The following MKLN1 variants were observed in gnomAD, a reference collection of about 807,000 sequenced individuals.
The protein encoded by MKLN1 is muskelin 1.
A neutral mutation model predicts 99.0 loss-of-function variants in MKLN1; 18 were observed. The observed-to-expected ratio is 0.18, with a 90% CI of 0.13 to 0.27. MKLN1 has a LOEUF of 0.27. Among genes scored for constraint, MKLN1 ranks in the 10% least tolerant of loss-of-function variants. The probability of loss-of-function intolerance (pLI) is 1.00; values close to 1 mark genes in which losing one functional copy is unlikely to be tolerated. For synonymous variants in MKLN1, 288 were observed against 293.2 expected (o/e 0.98, Z 0.18); for missense variants, 621 against 875.9 (o/e 0.71, Z 3.67).
At chr7:131,469,364 TAGAA>T (rs752539531) in intron 15 of MKLN1, among the ~76,000 whole-genome samples, 40 of 152,202 alleles carry the variant, frequency 2.6e-4, no homozygotes. Context: ...AGAATCTTCT[TAGAA>T]AGCATTTCCT....
intron 10 of MKLN1, among the ~76,000 whole-genome samples, chr7:131,442,031 G>A (rs1795854909): frequency 6.6e-6 from 1 of 152,154 alleles, no homozygotes; most frequent in South Asian, 2.1e-4. Context: ...GATTTTAACT[G>A]TATGATCATT....
At chr7:131,193,319 C>T (rs990601089) in intron 2 of MKLN1, among the ~76,000 whole-genome samples, 1 of 152,048 alleles carries the variant, frequency 6.6e-6, no homozygotes, top group Admixed American at 6.6e-5. Context: ...TATAGTCAAC[C>T]CAATGGAATT....
At chr7:131,251,670 CTTT>C (rs71311093) in intron 3 of MKLN1, among the ~76,000 whole-genome samples, 2 of 143,782 alleles carry the variant, frequency 1.4e-5, no homozygotes, top group African/African-American at 2.6e-5. Context: ...GCAACATTTT[CTTT>C]TTTTTTTTTT....
intron 1 of MKLN1, among the ~76,000 whole-genome samples, chr7:131,114,489 A>T (rs1029324536): frequency 1.3e-5 from 2 of 152,206 alleles, no homozygotes; most frequent in African/African-American, 2.4e-5. Context: ...AAAGAAGAGG[A>T]TCTACTTTGG....
At position 131,491,081 on chromosome 7, in the gene MKLN1, G is replaced by T. The variant is rs1287423969; in HGVS notation, c.*3353G>T. On this transcript the variant is annotated 3_prime_UTR_variant, in exon 18 of 18. Coordinates refer to ENST00000352689, the MANE Select transcript of MKLN1 (RefSeq NM_013255.5). ...ACTACATGGAATTCACTGGGTAATT[G>T]TGGGTCATTTATTTCCTGAAAGTCA... is the stretch of plus-strand genomic sequence containing the variant. 1 of 152,232 alleles carries T rather than the reference G, an allele frequency of 6.6e-6. No homozygotes were observed. Among genetic ancestry groups the T allele is most frequent in the East Asian group, 1.9e-4 (1 of 5,190 alleles). 9.4% of individuals were successfully genotyped at this position (152,232 alleles called of 1,614,324 possible).
At chr7:131,111,955 C>G (rs1422893248) in intron 1 of MKLN1, among the ~76,000 whole-genome samples, 1 of 152,204 alleles carries the variant, frequency 6.6e-6, no homozygotes, top group Admixed American at 6.5e-5. Flanking sequence ...AACCCCATCA[C>G]TTTGTGTACT....
intron 16 of MKLN1, among the ~76,000 whole-genome samples, chr7:131,473,616 G>C (rs986289562): frequency 6.6e-6 from 1 of 152,150 alleles, no homozygotes; most frequent in African/African-American, 2.4e-5. Context: ...GAGAAGGAAT[G>C]AGAATAAGTT....
At chr7:131,278,032 C>CTTTAT (rs1043808147) in intron 3 of MKLN1, among the ~76,000 whole-genome samples, 1 of 151,776 alleles carries the variant, frequency 6.6e-6, no homozygotes, top group African/African-American at 2.4e-5. Flanking sequence ...CCTTTTCCTC[C>CTTTAT]TTTATTTTAT....
chr7:131,226,713 G>C (rs1212502187), intron 3 of MKLN1, among the ~76,000 whole-genome samples: 7 of 152,132 alleles, frequency 4.6e-5, no homozygotes, highest in African/African-American at 1.7e-4. Flanking sequence ...ACTATTCCTG[G>C]CCAGTACAGA....
intron 3 of MKLN1, among the ~76,000 whole-genome samples, chr7:131,212,330 A>G (rs765759293): frequency 2.0e-5 from 3 of 152,170 alleles, no homozygotes; most frequent in Non-Finnish European, 2.9e-5. Context: ...TAGCCTACCA[A>G]TCACTCACAC....
At chr7:131,318,152 T>C (rs147205470) in intron 3 of MKLN1, among the ~76,000 whole-genome samples, 102 of 152,318 alleles carry the variant, frequency 6.7e-4, no homozygotes, top group Middle Eastern at 6.8e-3. Context: ...ATCAACAGAA[T>C]ATACATTCTT....
chr7:131,207,456 C>T (rs1796830995), intron 3 of MKLN1, among the ~76,000 whole-genome samples: 1 of 152,156 alleles, frequency 6.6e-6, no homozygotes, highest in Non-Finnish European at 1.5e-5. Context: ...CCTCGGCCTC[C>T]CAAAGTGTTG....
At chr7:131,453,345 T>C (rs118151437) in intron 12 of MKLN1, among the ~76,000 whole-genome samples, 542 of 152,298 alleles carry the variant, frequency 3.6e-3, no homozygotes, top group Middle Eastern at 0.014. Flanking sequence ...GAGCAGATAG[T>C]ATAAAAATGT....
chr7:131,315,676 G>C (rs891222150), intron 3 of MKLN1, among the ~76,000 whole-genome samples: 3 of 152,202 alleles, frequency 2.0e-5, no homozygotes, highest in African/African-American at 7.2e-5. Flanking sequence ...CAGCACACCA[G>C]TCTGAAGTCA....
chr7:131,194,768 G>A (rs578138668), intron 2 of MKLN1, among the ~76,000 whole-genome samples: 4 of 152,308 alleles, frequency 2.6e-5, no homozygotes, highest in Admixed American at 2.0e-4. Context: ...TAGCAGTGCA[G>A]TAAGTCCAGG....
rs754234032 is a variant in MKLN1 at position 131,489,548 on chromosome 7, C to G, written c.*1820C>G. 1 of 152,106 alleles carries G rather than the reference C, an allele frequency of 6.6e-6. No individual in the cohort carries two copies. The highest frequency in any genetic ancestry group is 2.4e-5 in the African/African-American group (1 of 41,434). 9.4% of individuals were successfully genotyped at this position (152,106 alleles called of 1,614,324 possible). ...TAGCCTGTTAAATCTTTTGTGGAGA[C>G]AGGTGCAAATCAGAAGATTGACAAG... On this transcript the variant is annotated 3_prime_UTR_variant, in exon 18 of 18. Coordinates refer to ENST00000352689, the MANE Select transcript of MKLN1 (RefSeq NM_013255.5).
intron 16 of MKLN1, 24 bp from the exon 17 acceptor site, chr7:131,478,599 T>C (rs76632094): frequency 5.4e-5 from 76 of 1,396,240 alleles, no homozygotes; most frequent in Non-Finnish European, 7.0e-5. Context: ...CTGCTTCTTT[T>C]TTTTTTTTTT....
At chr7:131,478,601 T>TTTTC in intron 16 of MKLN1, 22 bp from the exon 17 acceptor site, 1 of 1,425,064 alleles carries the variant, frequency 7.0e-7, no homozygotes, top group Non-Finnish European at 9.2e-7. Flanking sequence ...GCTTCTTTTT[T>TTTTC]TTTTTTTTTT....
At chr7:131,164,576 T>A (rs58262789) in intron 2 of MKLN1, among the ~76,000 whole-genome samples, 2,382 of 152,344 alleles carry the variant, frequency 0.016, 19 homozygotes, top group Middle Eastern at 0.031. Context: ...TGTTTGTTTC[T>A]ATTTTATTTT....
Sources: allele counts gnomAD v4.1 joint callset (sites outside exome capture counted in the v4.1 genomes callset), GRCh38; gene constraint gnomAD v4.1.1; transcripts MANE v1.5; gene names NCBI Gene and HGNC (gene_info 2026-07-23, HGNC 2026-07-21).